RBFOX2: variants seen among roughly 807,000 people sequenced by gnomAD.
The protein encoded by RBFOX2 is RNA binding protein fox-1 homolog 2.
In RBFOX2, 10 loss-of-function variants were observed where a neutral mutation model predicts 49.1. The ratio of observed to expected loss-of-function variants is 0.20; its 90% CI spans 0.13 to 0.35. RBFOX2 has a LOEUF of 0.35. RBFOX2 is among the 10% of genes least tolerant of loss of function. The pLI is 1.00. For synonymous variants in RBFOX2, 183 were observed against 187.4 expected (o/e 0.98, Z 0.19); for missense variants, 323 against 486.9 (o/e 0.66, Z 3.17).
At chr22:35,812,621 A>G (rs554527710) in intron 1 of RBFOX2, among the ~76,000 whole-genome samples, 2 of 152,356 alleles carry the variant, frequency 1.3e-5, no homozygotes, top group East Asian at 3.9e-4. Flanking sequence ...ATGAAACACA[A>G]TAAGAGCACC....
intron 1 of RBFOX2, chr22:35,995,135 A>G (rs2058135878): frequency 6.6e-6 from 1 of 152,194 alleles, no homozygotes; most frequent in East Asian, 1.9e-4. Flanking sequence ...AGAAACTAAT[A>G]CTTCCTACAA....
In RBFOX2 at chr22:36,008,554, T is replaced by G. The variant is rs531783041; in HGVS notation, c.186+19686A>C. ...AATAGGGGCCAAGAGCAGTGGCTCA[T>G]GCTTGTAATCCCAGCACTTTGGGAG... On this transcript the variant is annotated intron_variant, in intron 1 of 13. Coordinates refer to the RBFOX2 transcript ENST00000438146. 3.9e-5 allele frequency among the ~76,000 whole-genome samples: 6 copies of G among 152,316 alleles called. No individual in the cohort carries two copies. The East Asian group carries it at 1.2e-3, about 29-fold the overall frequency.
intron 1 of RBFOX2, among the ~76,000 whole-genome samples, chr22:35,937,374 T>A (rs2053205481): frequency 6.6e-6 from 1 of 152,132 alleles, no homozygotes; most frequent in African/African-American, 2.4e-5. Flanking sequence ...AAAGCTTCCA[T>A]CTTCAATATC....
intron 6 of RBFOX2, 86 bp downstream of exon 7, chr22:35,765,337 G>T: frequency 1.0e-6 from 1 of 962,348 alleles, no homozygotes; most frequent in Non-Finnish European, 1.6e-6. Flanking sequence ...GTCTTAAGAC[G>T]GAAATAAAGA....
chr22:35,943,479 GAAAT>G (rs1360179741), upstream of RBFOX2, among the ~76,000 whole-genome samples: 1 of 152,094 alleles, frequency 6.6e-6, no homozygotes, highest in African/African-American at 2.4e-5. Context: ...AAATACATAA[GAAAT>G]AAAATACCAA....
chr22:35,827,781 T>A (rs911189076), intron 1 of RBFOX2, among the ~76,000 whole-genome samples: 3 of 152,162 alleles, frequency 2.0e-5, no homozygotes, highest in Admixed American at 2.0e-4. Context: ...TTTTCACTCA[T>A]AAATTAAAAA....
chr22:36,009,140 C>T (rs2058722022), intron 1 of RBFOX2, among the ~76,000 whole-genome samples: 1 of 152,178 alleles, frequency 6.6e-6, no homozygotes, highest in African/African-American at 2.4e-5. Flanking sequence ...AAATACTGAA[C>T]TCTGCAGCCC....
chr22:35,773,813 A>G (rs1378631950), intron 4 of RBFOX2, among the ~76,000 whole-genome samples: 1 of 152,092 alleles, frequency 6.6e-6, no homozygotes, highest in Non-Finnish European at 1.5e-5. Flanking sequence ...ATCACCAAAA[A>G]TTGTTATGTG....
Position 36,002,012 on chromosome 22 carries a change from C to T in RBFOX2, c.186+26228G>A, listed in dbSNP as rs184933916. ...CTGGGAGGCGGAGGCTGCAGTGAGC[C>T]GAGATTGTGCCACTGCACTCCAGCC... On this transcript the variant is annotated intron_variant, in intron 1 of 13. Coordinates refer to the RBFOX2 transcript ENST00000438146. Among the ~76,000 whole-genome samples, 56 of 151,550 alleles carry T rather than the reference C, an allele frequency of 3.7e-4. 1 individual carries two copies. The highest frequency in any genetic ancestry group is 1.6e-3 in the Admixed American group (25 of 15,238).
At chr22:35,963,048 C>A, upstream of RBFOX2, among the ~76,000 whole-genome samples, 1 of 112,360 alleles carries the variant, frequency 8.9e-6, no homozygotes. Flanking sequence ...TCCAGGGCAC[C>A]AACTCTCCAG....
At chr22:35,987,650 A>C (rs558819233) in intron 1 of RBFOX2, among the ~76,000 whole-genome samples, 40 of 152,336 alleles carry the variant, frequency 2.6e-4, no homozygotes, top group African/African-American at 8.4e-4. Context: ...CCTGTCATAA[A>C]GAAGCGTGTG....
At chr22:35,944,955 G>A (rs138640620) in intron 1 of RBFOX2, among the ~76,000 whole-genome samples, 3,409 of 151,706 alleles carry the variant, frequency 0.022, 132 homozygotes, top group African/African-American at 0.078. Flanking sequence ...AAACAACAAC[G>A]ACAACAAAAA....
chr22:35,919,767 G>A (rs2050827774), intron 1 of RBFOX2, among the ~76,000 whole-genome samples: 2 of 152,168 alleles, frequency 1.3e-5, no homozygotes. Context: ...ATTTTAATGA[G>A]GGAACTTTGA....
upstream of RBFOX2, among the ~76,000 whole-genome samples, chr22:35,942,492 C>A (rs2149775865): frequency 6.6e-6 from 1 of 152,166 alleles, no homozygotes; most frequent in East Asian, 1.9e-4. Context: ...ACCTCAGTTT[C>A]CATTAATAAT....
chr22:36,005,598 T>C (rs2058590210), intron 1 of RBFOX2, among the ~76,000 whole-genome samples: 1 of 152,164 alleles, frequency 6.6e-6, no homozygotes, highest in African/African-American at 2.4e-5. Flanking sequence ...CAGAATGAAG[T>C]GTCCCATTTT....
rs117135733 is a variant in RBFOX2, at chr22:35,879,663, G to A, written c.-34+59184C>T. ...GAGCAGGCTTGACTGGAGCCTTGTG[G>A]GGACTCTAGCTTTTCTTCTGAGCGA... On this transcript the variant is annotated intron_variant, in intron 1 of 13. Coordinates refer to the RBFOX2 transcript ENST00000359369. Among the ~76,000 whole-genome samples, 319 of 152,274 alleles carry A rather than the reference G, an allele frequency of 2.1e-3. 8 individuals are homozygous for A. In the East Asian group the frequency reaches 0.051, roughly 24 times the overall value.
chr22:35,816,453 C>T (rs1388668685), intron 1 of RBFOX2, among the ~76,000 whole-genome samples: 1 of 152,106 alleles, frequency 6.6e-6, no homozygotes, highest in African/African-American at 2.4e-5. Context: ...ATCCTGAATA[C>T]ATTTCTGGTA....
chr22:35,977,420 A>G (rs1401647811), intron 1 of RBFOX2, among the ~76,000 whole-genome samples: 1 of 152,186 alleles, frequency 6.6e-6, no homozygotes, highest in Non-Finnish European at 1.5e-5. Flanking sequence ...CGAATCTCAA[A>G]AGAATTACAC....
chr22:35,928,014 A>T (rs1381955149), intron 1 of RBFOX2, among the ~76,000 whole-genome samples: 1 of 152,214 alleles, frequency 6.6e-6, no homozygotes, highest in Non-Finnish European at 1.5e-5. Flanking sequence ...CTTTTCCATA[A>T]AATAAATGAG....
Sources: gnomAD v4.1 joint callset for allele counts (sites outside exome capture counted in the v4.1 genomes callset) on GRCh38, gnomAD v4.1.1 for gene constraint, MANE v1.5 for transcripts, NCBI Gene and HGNC (gene_info 2026-07-23, HGNC 2026-07-21) for gene names.